Variants in SMAD7 observed in about 807,000 individuals in gnomAD.
SMAD7 encodes MAD (mothers against decapentaplegic, Drosophila) homolog 7.
SMAD7 carries 8 observed loss-of-function variants against 38.7 expected under a neutral mutation model. The observed-to-expected ratio is 0.21, with a 90% CI of 0.12 to 0.37. The LOEUF (loss-of-function observed/expected upper bound fraction) is 0.37. Among genes scored for constraint, SMAD7 ranks in the 10% least tolerant of loss-of-function variants. The pLI is 1.00. For missense variants in SMAD7, 477 were observed against 577.9 expected (o/e 0.83, Z 1.79); for synonymous variants, 327 against 265.1 (o/e 1.23, Z -2.27).
At chr18:48,942,235 C>A (rs2070148371) in intron 3 of SMAD7, among the ~76,000 whole-genome samples, 1 of 152,210 alleles carries the variant, frequency 6.6e-6, no homozygotes, top group Non-Finnish European at 1.5e-5. Context: ...CACACCAAAG[C>A]AATCCCCAGC....
chr18:48,946,531 C>T (rs1213109388), intron 2 of SMAD7, among the ~76,000 whole-genome samples: 1 of 152,200 alleles, frequency 6.6e-6, no homozygotes, highest in African/African-American at 2.4e-5. Flanking sequence ...AATTCTTACA[C>T]AGCAGCGCCT....
At chr18:48,931,757 CT>C (rs1364189813) in intron 3 of SMAD7, among the ~76,000 whole-genome samples, 1 of 152,280 alleles carries the variant, frequency 6.6e-6, no homozygotes, top group African/African-American at 2.4e-5. Context: ...GAAATGGCTC[CT>C]GCAAGGCCAT....
intron 3 of SMAD7, among the ~76,000 whole-genome samples, chr18:48,936,081 C>G: frequency 4.0e-5 from 1 of 25,114 alleles, no homozygotes; most frequent in Admixed American, 4.4e-4. Flanking sequence ...TCTCAAAACA[C>G]ACACACACAC....
intron 3 of SMAD7, among the ~76,000 whole-genome samples, chr18:48,925,143 T>C (rs1382316413): frequency 2.6e-5 from 4 of 152,260 alleles, no homozygotes; most frequent in Admixed American, 2.0e-4. Flanking sequence ...GGCCTCTCGC[T>C]GATAGTTAAC....
Position 48,921,768 on chromosome 18 carries a change from G to A in SMAD7, c.885C>T (p.Gly295=). 3 of 1,614,212 alleles carry A rather than the reference G, an allele frequency of 1.9e-6. No individual in the cohort carries two copies. Among genetic ancestry groups the A allele is most frequent in the Non-Finnish European group, 2.5e-6 (3 of 1,180,052 alleles). The change falls in exon 4 of 4, where the codon GGC becomes GGT. Residue 295 remains glycine, a synonymous_variant. Transcript: ENST00000262158. This position sits in a 1 kb window ranked among gnomAD's most constrained non-coding sequence, Gnocchi z 6.4. ...CCGAATTGAGCTGTCCGAGGCAAAA[G>A]CCATTCCCCTGAGGTAGATCATAGA... is the stretch of plus-strand genomic sequence containing the variant. ...DIFYDLPQGN[G]FCLGQLNSDN...
intron 3 of SMAD7, among the ~76,000 whole-genome samples, chr18:48,922,784 C>T (rs1275077664): frequency 6.6e-6 from 1 of 152,182 alleles, no homozygotes; most frequent in Non-Finnish European, 1.5e-5. Flanking sequence ...TCTCTCCCCT[C>T]CTTCCACAGA....
intron 3 of SMAD7, among the ~76,000 whole-genome samples, chr18:48,936,370 C>T (rs772677767): frequency 1.3e-5 from 2 of 152,184 alleles, no homozygotes; most frequent in Non-Finnish European, 2.9e-5. Flanking sequence ...ATACACATAA[C>T]TTAAAATGTG....
intron 3 of SMAD7, among the ~76,000 whole-genome samples, chr18:48,941,287 A>C (rs550903891): frequency 6.6e-6 from 1 of 152,224 alleles, no homozygotes; most frequent in East Asian, 1.9e-4. Context: ...TTCTCATTAG[A>C]AGCTTTGAGT....
At position 48,921,194 on chromosome 18, in the gene SMAD7, A is replaced by T; in HGVS notation, c.*178T>A. 1 of 596,772 alleles carries T rather than the reference A, an allele frequency of 1.7e-6. No individual in the cohort carries two copies. The highest frequency in any genetic ancestry group is 2.9e-6 in the Non-Finnish European group (1 of 349,480). 37.0% of individuals were successfully genotyped at this position (596,772 alleles called of 1,614,324 possible). A position where few individuals can be genotyped will look rare whatever the true frequency, so the allele number is the denominator to read the frequency against. ...CAATTCTTTTCATAAGCTATTTCTC[A>T]AAGAGCGAAACAAAACAGAACACAA... On this transcript the variant is annotated 3_prime_UTR_variant, in exon 4 of 4. Coordinates refer to ENST00000262158, the MANE Select transcript of SMAD7 (RefSeq NM_005904.4). The surrounding 1 kb of genome is among the most constrained non-coding windows in gnomAD (Gnocchi z 6.4).
chr18:48,928,407 A>G (rs1427744403), intron 3 of SMAD7, among the ~76,000 whole-genome samples: 1 of 152,154 alleles, frequency 6.6e-6, no homozygotes, highest in Non-Finnish European at 1.5e-5. Context: ...AAGGGAAAGG[A>G]GGTTTGAGTC....
intron 1 of SMAD7, among the ~76,000 whole-genome samples, chr18:48,948,981 C>T (rs1354884549): frequency 2.0e-5 from 3 of 152,204 alleles, no homozygotes; most frequent in African/African-American, 7.2e-5. Flanking sequence ...ACTCTGTGTA[C>T]AGAGACGTAG....
intron 3 of SMAD7, among the ~76,000 whole-genome samples, chr18:48,929,251 A>C (rs1239000468): frequency 6.6e-6 from 1 of 152,160 alleles, no homozygotes; most frequent in Non-Finnish European, 1.5e-5. Flanking sequence ...AAGGGGGTTC[A>C]CATATTAGCA....
intron 3 of SMAD7, among the ~76,000 whole-genome samples, chr18:48,937,712 G>C (rs1435264694): frequency 6.6e-6 from 1 of 152,194 alleles, no homozygotes; most frequent in Non-Finnish European, 1.5e-5. Context: ...GAGGCAGAAG[G>C]TGTCCCCTGA....
At chr18:48,937,760 A>G (rs1401662017) in intron 3 of SMAD7, among the ~76,000 whole-genome samples, 3 of 152,172 alleles carry the variant, frequency 2.0e-5, no homozygotes, top group Admixed American at 1.3e-4. Flanking sequence ...CCTGCAGGGT[A>G]CTAAGGGGAT....
chr18:48,933,123 G>A (rs2070022528), intron 3 of SMAD7, among the ~76,000 whole-genome samples: 1 of 152,078 alleles, frequency 6.6e-6, no homozygotes, highest in Non-Finnish European at 1.5e-5. Context: ...CCAAAACCCG[G>A]GAGACCTACC....
At position 48,921,881 on chromosome 18, in the gene SMAD7, G is replaced by C; in HGVS notation, c.772C>G (p.Arg258Gly). 3 of 1,608,968 alleles carry C rather than the reference G, an allele frequency of 1.9e-6. No homozygotes were observed. Among genetic ancestry groups the C allele is most frequent in the Non-Finnish European group, 8.5e-7 (1 of 1,178,900 alleles). The change falls in exon 4 of 4, where the codon CGG becomes GGG. Residue 258 changes from arginine to glycine, a missense_variant. Physicochemically the swap from Arg to Gly is moderately radical, Grantham distance 125. Around this residue, in one of 2 missense-constraint regions of SMAD7, gnomAD observed 376 missense variants for 379.4 expected, o/e 0.99. Transcript: ENST00000262158. The surrounding 1 kb of genome is among the most constrained non-coding windows in gnomAD (Gnocchi z 6.4). ...TATGCCACCACGCACCAGTGTGACC[G>C]ATCCCCAGGCTCCAGAAGAAGTTGG... Reference protein sequence around the residue: ...DSQLLLEPGDRSHWCVVAYWE... With the variant: ...DSQLLLEPGDGSHWCVVAYWE...
chr18:48,948,662 C>T (rs1337364508), intron 1 of SMAD7, among the ~76,000 whole-genome samples: 1 of 152,264 alleles, frequency 6.6e-6, no homozygotes, highest in African/African-American at 2.4e-5. Context: ...GCGGCCGCAG[C>T]CGCCGCGCTC....
intron 3 of SMAD7, among the ~76,000 whole-genome samples, chr18:48,934,308 G>A (rs2070037824): frequency 1.3e-5 from 2 of 152,136 alleles, no homozygotes. Context: ...ACTCCTGCAG[G>A]ATGAGGGGGA....
intron 3 of SMAD7, among the ~76,000 whole-genome samples, chr18:48,929,563 T>TCACACACACACACACACACACA: frequency 2.6e-5 from 1 of 38,622 alleles, no homozygotes; most frequent in Middle Eastern, 0.021. Context: ...TCTCTCTCTC[T>TCACACACACACACACACACACA]CTCTCTCACT....
Sources: allele counts gnomAD v4.1 joint callset (sites outside exome capture counted in the v4.1 genomes callset), GRCh38; gene constraint gnomAD v4.1.1; regional missense constraint gnomAD v4.1.1; non-coding constraint Gnocchi (gnomAD v3.1); transcripts MANE v1.5; gene names NCBI Gene and HGNC (gene_info 2026-07-23, HGNC 2026-07-21).